MRTFA: variants seen among roughly 807,000 people sequenced by gnomAD.
MRTFA encodes myocardin related transcription factor A.
Under a neutral mutation model 83.5 loss-of-function variants are expected in MRTFA, and 20 were observed. The ratio of observed to expected loss-of-function variants is 0.24; its 90% CI spans 0.17 to 0.35. The LOEUF (loss-of-function observed/expected upper bound fraction) is 0.35, where lower values mean the gene tolerates loss of function less well. Among genes scored for constraint, MRTFA ranks in the 10% least tolerant of loss-of-function variants. MRTFA has a pLI of 1.00. For synonymous variants in MRTFA, 659 were observed against 541.2 expected (o/e 1.22, Z -3.02); for missense variants, 1,200 against 1,224.7 (o/e 0.98, Z 0.30).
intron 3 of MRTFA, among the ~76,000 whole-genome samples, chr22:40,551,500 T>TG (rs1366276445): frequency 1.3e-5 from 2 of 152,156 alleles, no homozygotes; most frequent in Non-Finnish European, 2.9e-5. Context: ...CCCCAGTAGC[T>TG]GGGTCTACAA....
intron 3 of MRTFA, among the ~76,000 whole-genome samples, chr22:40,528,136 A>G (rs1460147390): frequency 6.6e-6 from 1 of 152,164 alleles, no homozygotes; most frequent in Non-Finnish European, 1.5e-5. Flanking sequence ...GAGTAAGATA[A>G]GATGGAGGCC....
chr22:40,545,872 T>A lies in MRTFA; in HGVS notation c.241+6234A>T, dbSNP rs1259478935. Reference sequence around the variant, plus strand: ...CCTCAGCCTCCCAAGTAGCTGGGATTACAGGCACCCGCCATCACGCCCAGC... The same window carrying A: ...CCTCAGCCTCCCAAGTAGCTGGGATAACAGGCACCCGCCATCACGCCCAGC... On this transcript the variant is annotated intron_variant, in intron 3 of 14. Transcript: ENST00000355630. 2.0e-5 allele frequency among the ~76,000 whole-genome samples: 3 copies of A among 150,956 alleles called. No individual in the cohort carries two copies. In the Admixed American group the frequency reaches 2.0e-4, roughly 10 times the overall value.
At chr22:40,617,536 C>T (rs2056466741) in intron 1 of MRTFA, among the ~76,000 whole-genome samples, 1 of 151,876 alleles carries the variant, frequency 6.6e-6, no homozygotes, top group Non-Finnish European at 1.5e-5. Flanking sequence ...ACCATCCTGG[C>T]TAACACGGTG....
At chr22:40,555,245 C>T (rs1408229095) in intron 2 of MRTFA, among the ~76,000 whole-genome samples, 1 of 152,114 alleles carries the variant, frequency 6.6e-6, no homozygotes, top group Non-Finnish European at 1.5e-5. Context: ...GAGGGACTAG[C>T]GGCAGAATGA....
rs539652768 is a variant in MRTFA at position 40,449,291 on chromosome 22, A to G, written c.308-13737T>C. Among the ~76,000 whole-genome samples, 47 of 151,364 alleles carry G rather than the reference A, an allele frequency of 3.1e-4. No individual in the cohort carries two copies. The South Asian group carries it at 9.4e-3, about 30-fold the overall frequency. On this transcript the variant is annotated intron_variant, in intron 4 of 14. Transcript: ENST00000355630. The stretch of plus-strand genomic sequence containing the variant: ...CCAAACGAGAAAAAAAAAAAAAAAA[A>G]GAAAAGAAAAGAACGGAAATTTGCC...
At chr22:40,470,275 A>ATT (rs2053884717) in intron 3 of MRTFA, among the ~76,000 whole-genome samples, 1 of 120,392 alleles carries the variant, frequency 8.3e-6, no homozygotes, top group Admixed American at 8.8e-5. Context: ...ATATATATAT[A>ATT]TATATAAAGA....
At chr22:40,626,387 A>G (rs1320138302) in intron 1 of MRTFA, among the ~76,000 whole-genome samples, 1 of 152,136 alleles carries the variant, frequency 6.6e-6, no homozygotes, top group Non-Finnish European at 1.5e-5. Context: ...TCCCAAGCTC[A>G]AGCAATTCTC....
intron 1 of MRTFA, among the ~76,000 whole-genome samples, chr22:40,620,715 G>A (rs988598618): frequency 6.6e-6 from 1 of 152,042 alleles, no homozygotes; most frequent in African/African-American, 2.4e-5. Flanking sequence ...CCAACCATAA[G>A]CAGAAGGTAG....
At chr22:40,590,385 G>A (rs1015799152) in intron 2 of MRTFA, among the ~76,000 whole-genome samples, 1 of 151,904 alleles carries the variant, frequency 6.6e-6, no homozygotes, top group African/African-American at 2.4e-5. Context: ...AAGCTCCAGT[G>A]TAGCCGGGCG....
At chr22:40,604,765 G>C (rs755532992) in intron 1 of MRTFA, among the ~76,000 whole-genome samples, 1 of 151,952 alleles carries the variant, frequency 6.6e-6, no homozygotes, top group Non-Finnish European at 1.5e-5. Context: ...AAAAAAAAGA[G>C]ATACCTAAAT....
chr22:40,500,889 A>G (rs370410240), intron 3 of MRTFA, among the ~76,000 whole-genome samples: 93 of 149,700 alleles, frequency 6.2e-4, no homozygotes, highest in Middle Eastern at 3.4e-3. Context: ...ATCCTGGCCC[A>G]TTCTCAATGA....
At chr22:40,560,262 A>G (rs961600311) in intron 2 of MRTFA, among the ~76,000 whole-genome samples, 1 of 152,206 alleles carries the variant, frequency 6.6e-6, no homozygotes, top group Non-Finnish European at 1.5e-5. Flanking sequence ...ACATTCTCCT[A>G]GTATTTTTTA....
chr22:40,515,262 T>C (rs943315197), intron 3 of MRTFA, among the ~76,000 whole-genome samples: 1 of 152,112 alleles, frequency 6.6e-6, no homozygotes, highest in African/African-American at 2.4e-5. Flanking sequence ...TTACTCAGCA[T>C]TTACTATGTA....
intron 1 of MRTFA, among the ~76,000 whole-genome samples, chr22:40,635,584 G>A (rs2056687709): frequency 6.6e-6 from 1 of 152,264 alleles, no homozygotes; most frequent in South Asian, 2.1e-4. Context: ...CTTTCGTTAT[G>A]CTGCATAACA....
chr22:40,456,478 C>T (rs1374342932), intron 4 of MRTFA, among the ~76,000 whole-genome samples: 1 of 152,022 alleles, frequency 6.6e-6, no homozygotes, highest in South Asian at 2.1e-4. Context: ...ATTTTGAGCC[C>T]AGAGTTTGAG....
At chr22:40,430,803 G>C (rs1482765742) in intron 6 of MRTFA, among the ~76,000 whole-genome samples, 1 of 144,332 alleles carries the variant, frequency 6.9e-6, no homozygotes, top group Non-Finnish European at 1.5e-5. Context: ...AGAGGTTGCA[G>C]TGAGCCATGA....
In MRTFA at chr22:40,535,698, G is replaced by A. The variant is rs181601688; in HGVS notation, c.241+16408C>T. ...TCTCTAGTAATGAGGGTTTTCAAATGAAACAAGTTTTCACAGTTCGGTATT... is the reference window on the plus strand; with the variant it reads ...TCTCTAGTAATGAGGGTTTTCAAATAAAACAAGTTTTCACAGTTCGGTATT... On this transcript the variant is annotated intron_variant, in intron 3 of 14. Coordinates refer to ENST00000355630, the MANE Select transcript of MRTFA (RefSeq NM_020831.6). Among the ~76,000 whole-genome samples, 995 of 152,176 alleles carry A rather than the reference G, an allele frequency of 6.5e-3. 6 individuals carry two copies. Among genetic ancestry groups the A allele is most frequent in the Middle Eastern group, 0.014 (4 of 294 alleles).
At chr22:40,633,686 CTTTA>C (rs1355641565) in intron 1 of MRTFA, among the ~76,000 whole-genome samples, 2 of 151,764 alleles carry the variant, frequency 1.3e-5, no homozygotes, top group African/African-American at 2.4e-5. Flanking sequence ...TAAAGATAGC[CTTTA>C]TTTATTATAT....
chr22:40,538,706 A>T (rs2055232688), intron 3 of MRTFA, among the ~76,000 whole-genome samples: 1 of 152,218 alleles, frequency 6.6e-6, no homozygotes, highest in Admixed American at 6.5e-5. Flanking sequence ...CACAATTCTA[A>T]AAGTCTGAAC....
Sources: allele counts gnomAD v4.1 joint callset (sites outside exome capture counted in the v4.1 genomes callset), GRCh38; gene constraint gnomAD v4.1.1; transcripts MANE v1.5; gene names NCBI Gene and HGNC (gene_info 2026-07-23, HGNC 2026-07-21).